The following AMBRA1 variants were observed in gnomAD, a reference collection of about 807,000 sequenced individuals.
The protein encoded by AMBRA1 is autophagy and beclin 1 regulator 1, also known as activating molecule in BECN1-regulated autophagy protein 1.
Under a neutral mutation model 125.4 loss-of-function variants are expected in AMBRA1, and 47 were observed. That is an observed-to-expected ratio of 0.37 (90% CI 0.30 to 0.48). The LOEUF (loss-of-function observed/expected upper bound fraction) is 0.48. Ranked by LOEUF, AMBRA1 falls within the 20% of genes least tolerant of loss-of-function variation. The pLI is 0.99. For missense variants in AMBRA1, 1,331 were observed against 1,693.4 expected, an observed-to-expected ratio of 0.79 and a Z score of 3.76; for synonymous variants, 626 against 655.5, an observed-to-expected ratio of 0.95 and a Z score of 0.69.
intron 1 of AMBRA1, among the ~76,000 whole-genome samples, chr11:46,567,630 G>C (rs1289131435): frequency 6.6e-6 from 1 of 152,120 alleles, no homozygotes; most frequent in African/African-American, 2.4e-5. Flanking sequence ...CAAAGTGCTG[G>C]GATTACAGGC....
chr11:46,544,758 G>A (rs1952920665), intron 5 of AMBRA1, among the ~76,000 whole-genome samples: 1 of 152,090 alleles, frequency 6.6e-6, no homozygotes, highest in East Asian at 1.9e-4. Context: ...CAGAAGATGA[G>A]GCCAATAAGG....
At chr11:46,401,785 TC>T in intron 17 of AMBRA1, among the ~76,000 whole-genome samples, 1 of 152,332 alleles carries the variant, frequency 6.6e-6, no homozygotes, top group South Asian at 2.1e-4. Flanking sequence ...CCGTCTAGTC[TC>T]CACACTGTTC....
At chr11:46,448,915 G>C (rs1188907986) in intron 11 of AMBRA1, among the ~76,000 whole-genome samples, 1 of 152,064 alleles carries the variant, frequency 6.6e-6, no homozygotes, top group African/African-American at 2.4e-5. Flanking sequence ...AATCTAAATA[G>C]GCCTATATCT....
chr11:46,541,211 AC>A lies in AMBRA1; in HGVS notation c.2072+733del, dbSNP rs1952720670. 1.2e-4 allele frequency among the ~76,000 whole-genome samples: 18 copies of A among 152,308 alleles called. No individual in the cohort carries two copies. The South Asian group carries it at 3.7e-3, about 32-fold the overall frequency. On this transcript the variant is annotated intron_variant, in intron 7 of 17. Coordinates refer to ENST00000683756, the MANE Select transcript of AMBRA1 (RefSeq NM_001387011.1). ...GAACATATGGTGGGCGATCAACTAC[AC>A]CTACTCTGTTTCTCCCATGAAAGAG...
rs3839953 is a variant in AMBRA1 at position 46,431,082 on chromosome 11, CA to C, written c.2976+2391del. 7.4e-3 allele frequency among the ~76,000 whole-genome samples: 1,131 copies of C among 152,310 alleles called. 112 individuals carry two copies. In the East Asian group the frequency reaches 0.18, roughly 24 times the overall value. On this transcript the variant is annotated intron_variant, in intron 14 of 17. Transcript: ENST00000683756. ...GGTGCCTTTGGACGTAAGGGGCAAC[CA>C]AGACCTGGAAAACCAGAAACCTTTC...
At chr11:46,523,920 G>A (rs989952108) in intron 7 of AMBRA1, among the ~76,000 whole-genome samples, 6 of 152,202 alleles carry the variant, frequency 3.9e-5, no homozygotes, top group Non-Finnish European at 4.4e-5. Context: ...CCAGGCTGGA[G>A]TGCAATGGCA....
chr11:46,405,977 C>T (rs984110165), intron 17 of AMBRA1, among the ~76,000 whole-genome samples: 1 of 151,970 alleles, frequency 6.6e-6, no homozygotes, highest in African/African-American at 2.4e-5. Flanking sequence ...AACAGATCCT[C>T]CTGCCTTGGC....
intron 1 of AMBRA1, among the ~76,000 whole-genome samples, chr11:46,558,561 A>C (rs937825452): frequency 6.7e-6 from 1 of 148,828 alleles, no homozygotes; most frequent in Non-Finnish European, 1.5e-5. Flanking sequence ...AAAAAAAAAA[A>C]AAAAAAAAAA....
chr11:46,434,855 G>A lies in AMBRA1; in HGVS notation c.2815C>T (p.Arg939Ter). 1.3e-6 allele frequency: 2 copies of A among 1,597,122 alleles called. No individual in the cohort carries two copies. Among genetic ancestry groups the A allele is most frequent in the Non-Finnish European group, 8.5e-7 (1 of 1,172,278 alleles). The change falls in exon 13 of 18, where the codon CGA becomes TGA. Residue 939 changes from arginine to a stop codon, truncating the protein, a stop_gained. Transcript: ENST00000683756. LOFTEE classifies it high-confidence loss of function. ...HNLGEMLYTK[R>*]FGPNAISVSL... ...TGGGCTTCCTATCCCTTACCAAATC[G>A]CTTGGTGTAGAGCATTTCGCCCAGG...
chr11:46,444,713 A>C (rs1467792979), intron 11 of AMBRA1, among the ~76,000 whole-genome samples: 1 of 152,164 alleles, frequency 6.6e-6, no homozygotes, highest in Non-Finnish European at 1.5e-5. Flanking sequence ...GCATCTTGTG[A>C]ACTGTAGTTT....
At chr11:46,558,930 C>T (rs929527987) in intron 1 of AMBRA1, among the ~76,000 whole-genome samples, 1 of 152,146 alleles carries the variant, frequency 6.6e-6, no homozygotes. Context: ...TAAACAGCAA[C>T]ATCTAGAGTT....
rs1555017409 is a variant in AMBRA1 at position 46,585,695 on chromosome 11, AATATATATATATATAT to A, written c.-121+8117_-121+8132del. Among the ~76,000 whole-genome samples the A allele has an allele frequency of 5.2e-4, 12 of 22,912 alleles. 1 individual carries two copies. Among genetic ancestry groups the A allele is most frequent in the South Asian group, 1.4e-3 (1 of 726 alleles). The allele number at this position is 22,912 out of a possible 152,430, so 15.0% of individuals were successfully genotyped here. A position where few individuals can be genotyped will look rare whatever the true frequency, so the allele number is the denominator to read the frequency against. On this transcript the variant is annotated intron_variant, in intron 1 of 17. Transcript: ENST00000683756. ...AAAAAAAAAAAAAAAAAAAAAAAAA[AATATATATATATATAT>A]ATATATATATATTCCTAGCTTCCCA...
chr11:46,459,733 TACACATACACAC>T (rs1949014722), intron 11 of AMBRA1, among the ~76,000 whole-genome samples: 1 of 115,476 alleles, frequency 8.7e-6, no homozygotes, highest in Admixed American at 8.2e-5. Flanking sequence ...AAAAAAAAAA[TACACATACACAC>T]ACACACACAC....
chr11:46,440,820 T>C (rs991622292), intron 12 of AMBRA1, among the ~76,000 whole-genome samples: 35 of 152,162 alleles, frequency 2.3e-4, no homozygotes, highest in African/African-American at 8.0e-4. Context: ...CCAATAAAGA[T>C]ACCAAGACTG....
intron 11 of AMBRA1, among the ~76,000 whole-genome samples, chr11:46,461,147 G>A (rs533146711): frequency 6.6e-6 from 1 of 152,340 alleles, no homozygotes; most frequent in Admixed American, 6.5e-5. Context: ...GGAGGCTGAG[G>A]TGGAAGGATC....
chr11:46,579,204 T>C (rs1283246977), intron 1 of AMBRA1, among the ~76,000 whole-genome samples: 1 of 152,196 alleles, frequency 6.6e-6, no homozygotes, highest in Non-Finnish European at 1.5e-5. Context: ...ACGCCTGTAA[T>C]CCCAGCACTT....
chr11:46,521,825 G>C (rs1393093653), intron 7 of AMBRA1, among the ~76,000 whole-genome samples: 1 of 152,164 alleles, frequency 6.6e-6, no homozygotes, highest in African/African-American at 2.4e-5. Context: ...CCAAGGCAAG[G>C]TACCACTGCT....
At chr11:46,543,485 C>A in intron 6 of AMBRA1, 87 bp from the exon 7 acceptor site, 1 of 1,508,534 alleles carries the variant, frequency 6.6e-7, no homozygotes, top group Non-Finnish European at 8.9e-7. Flanking sequence ...TAACCACTGA[C>A]AATCATCCAA....
intron 11 of AMBRA1, among the ~76,000 whole-genome samples, chr11:46,463,016 A>T (rs1441839075): frequency 1.3e-5 from 2 of 152,000 alleles, no homozygotes; most frequent in Non-Finnish European, 2.9e-5. Flanking sequence ...GGCCTTTCAA[A>T]GTGCTGGGAT....
Sources: allele counts gnomAD v4.1 joint callset (sites outside exome capture counted in the v4.1 genomes callset), GRCh38; gene constraint gnomAD v4.1.1; transcripts MANE v1.5; gene names NCBI Gene and HGNC (gene_info 2026-07-23, HGNC 2026-07-21).